Variants in ALOX5AP observed in about 807,000 individuals in gnomAD.
ALOX5AP encodes arachidonate 5-lipoxygenase-activating protein.
In ALOX5AP, 9 loss-of-function variants were observed where a neutral mutation model predicts 18.5. That is an observed-to-expected ratio of 0.49 (90% CI 0.29 to 0.85). The LOEUF is 0.85. Among genes scored for constraint, ALOX5AP ranks in the 40% least tolerant of loss-of-function variants. The probability of loss-of-function intolerance (pLI) is 0.08; values close to 1 mark genes in which losing one functional copy is unlikely to be tolerated. For missense variants in ALOX5AP, 172 were observed against 202.5 expected (o/e 0.85, Z 0.91); for synonymous variants, 81 against 78.6 (o/e 1.03, Z -0.16).
At chr13:30,733,165 A>G (rs929051045), upstream of ALOX5AP, among the ~76,000 whole-genome samples, 4 of 151,772 alleles carry the variant, frequency 2.6e-5, no homozygotes, top group African/African-American at 9.7e-5. Flanking sequence ...TCTCAAAAAA[A>G]AAAAAAAAAA....
At chr13:30,761,774 T>G (rs995491324) in intron 4 of ALOX5AP, among the ~76,000 whole-genome samples, 8 of 152,206 alleles carry the variant, frequency 5.3e-5, no homozygotes, top group African/African-American at 1.9e-4. Context: ...ACTGAGCATG[T>G]CTGTGTCCAA....
At position 30,740,446 on chromosome 13, in the gene ALOX5AP, A is replaced by C. The variant is rs186886968; in HGVS notation, c.71-3614A>C. On this transcript the variant is annotated intron_variant, in intron 1 of 4. Transcript: ENST00000380490. Reference sequence around the variant, plus strand: ...CGGCGGATGCCTCACAACGGTTTGCAGCCATCTCTCTATCTGTGTCTTTGT... The same window carrying C: ...CGGCGGATGCCTCACAACGGTTTGCCGCCATCTCTCTATCTGTGTCTTTGT... 4.8e-3 allele frequency among the ~76,000 whole-genome samples: 728 copies of C among 152,330 alleles called. 2 individuals carry two copies. The highest frequency in any genetic ancestry group is 6.9e-3 in the Non-Finnish European group (467 of 68,036).
upstream of ALOX5AP, among the ~76,000 whole-genome samples, chr13:30,735,324 C>T (rs1383637414): frequency 6.6e-6 from 1 of 151,604 alleles, no homozygotes; most frequent in African/African-American, 2.4e-5. Context: ...GGAAGTTTCC[C>T]ATGACAAGGA....
chr13:30,739,106 G>T (rs17239081), intron 1 of ALOX5AP, among the ~76,000 whole-genome samples: 1 of 148,636 alleles, frequency 6.7e-6, no homozygotes, highest in Non-Finnish European at 1.5e-5. Flanking sequence ...CGCCTCCACC[G>T]GCTGCTTCTT....
intron 1 of ALOX5AP, among the ~76,000 whole-genome samples, chr13:30,736,242 A>G (rs189942812): frequency 6.6e-6 from 1 of 151,770 alleles, no homozygotes; most frequent in African/African-American, 2.4e-5. Context: ...TAGCACGTAT[A>G]ATTTTGGAAG....
At chr13:30,760,812 T>C (rs1951935431) in intron 4 of ALOX5AP, among the ~76,000 whole-genome samples, 1 of 152,158 alleles carries the variant, frequency 6.6e-6, no homozygotes, top group South Asian at 2.1e-4. Flanking sequence ...CCCCGAAAGA[T>C]GCTTAATAAT....
intron 1 of ALOX5AP, among the ~76,000 whole-genome samples, chr13:30,718,344 G>A (rs1458774558): frequency 3.3e-5 from 5 of 150,244 alleles, no homozygotes; most frequent in African/African-American, 1.2e-4. Context: ...TGGGAGTTAT[G>A]AGCCAGGAAC....
intron 1 of ALOX5AP, among the ~76,000 whole-genome samples, chr13:30,722,568 G>A (rs1951602482): frequency 6.6e-6 from 1 of 152,172 alleles, no homozygotes; most frequent in Admixed American, 6.5e-5. Flanking sequence ...AGAACATAGA[G>A]GATATATATA....
At chr13:30,717,664 G>C (rs1303767608) in intron 1 of ALOX5AP, among the ~76,000 whole-genome samples, 1 of 152,224 alleles carries the variant, frequency 6.6e-6, no homozygotes, top group African/African-American at 2.4e-5. Flanking sequence ...AAGGTCCCTA[G>C]TGCAGGAGCT....
chr13:30,751,289 C>G (rs1247880383), intron 2 of ALOX5AP, among the ~76,000 whole-genome samples: 1 of 152,142 alleles, frequency 6.6e-6, no homozygotes. Context: ...GTCTTGAACT[C>G]CTGACCTTGT....
At chr13:30,719,113 G>A (rs192035423) in intron 1 of ALOX5AP, among the ~76,000 whole-genome samples, 1 of 152,196 alleles carries the variant, frequency 6.6e-6, no homozygotes, top group Admixed American at 6.5e-5. Context: ...AGCTAGTTGT[G>A]CAATGAAGGG....
At chr13:30,733,446 A>G (rs1202763713), upstream of ALOX5AP, among the ~76,000 whole-genome samples, 2 of 152,236 alleles carry the variant, frequency 1.3e-5, no homozygotes, top group African/African-American at 4.8e-5. Flanking sequence ...CTTGGCTACC[A>G]AAACCTAAAC....
At chr13:30,760,756 G>A (rs1348979469) in intron 4 of ALOX5AP, among the ~76,000 whole-genome samples, 1 of 152,138 alleles carries the variant, frequency 6.6e-6, no homozygotes, top group African/African-American at 2.4e-5. Flanking sequence ...CGCCCCCATA[G>A]GATGGCTGTG....
intron 1 of ALOX5AP, among the ~76,000 whole-genome samples, chr13:30,738,669 T>C (rs1395208648): frequency 6.6e-6 from 1 of 152,052 alleles, no homozygotes; most frequent in Non-Finnish European, 1.5e-5. Context: ...GAGAAAGTGA[T>C]TGGGAAGAAA....
intron 1 of ALOX5AP, among the ~76,000 whole-genome samples, chr13:30,720,245 G>A (rs1024384192): frequency 7.9e-5 from 12 of 152,112 alleles, no homozygotes; most frequent in South Asian, 2.1e-4. Context: ...ATACGCTGTC[G>A]GATGCTATGG....
intron 1 of ALOX5AP, among the ~76,000 whole-genome samples, chr13:30,737,706 A>G (rs918395560): frequency 6.6e-6 from 1 of 151,968 alleles, no homozygotes; most frequent in Non-Finnish European, 1.5e-5. Flanking sequence ...CTCCATTGTC[A>G]CAGCTGCCCC....
intron 1 of ALOX5AP, among the ~76,000 whole-genome samples, chr13:30,741,249 G>A (rs1414588687): frequency 6.7e-6 from 1 of 148,534 alleles, no homozygotes; most frequent in East Asian, 2.0e-4. Context: ...CAGCCTACAG[G>A]TGCCTGCCAC....
intron 2 of ALOX5AP, 93 bp from the exon 3 acceptor site, chr13:30,751,959 G>A (rs563769439): frequency 7.5e-6 from 9 of 1,199,690 alleles, no homozygotes; most frequent in Non-Finnish European, 1.1e-5. Flanking sequence ...ATGCACGATG[G>A]TGATTATTAA....
Position 30,722,442 on chromosome 13 carries a change from G to C in ALOX5AP, c.116+8601G>C, listed in dbSNP as rs577340183. Among the ~76,000 whole-genome samples, 16 of 152,254 alleles carry C rather than the reference G, an allele frequency of 1.1e-4. No homozygotes were observed. In the South Asian group the frequency reaches 3.3e-3, roughly 32 times the overall value. ...TATTTTTTTTTGTTTATATGCAAAA[G>C]AACTTAATCCTAACTGATATTAACA... On this transcript the variant is annotated intron_variant, in intron 1 of 5. Transcript: ENST00000617770.
Sources: gnomAD v4.1 joint callset for allele counts (sites outside exome capture counted in the v4.1 genomes callset) on GRCh38, gnomAD v4.1.1 for gene constraint, MANE v1.5 for transcripts, NCBI Gene and HGNC (gene_info 2026-07-23, HGNC 2026-07-21) for gene names.